Variants in HECTD2 observed in about 807,000 individuals in gnomAD.
HECTD2 encodes the protein probable E3 ubiquitin-protein ligase HECTD2.
Under a neutral mutation model 103.2 loss-of-function variants are expected in HECTD2, and 35 were observed. The observed-to-expected ratio is 0.34, with a 90% confidence interval of 0.26 to 0.45. The LOEUF (loss-of-function observed/expected upper bound fraction) is 0.45, where lower values mean the gene tolerates loss of function less well. HECTD2 is among the 20% of genes least tolerant of loss of function. HECTD2 has a pLI of 1.00. For missense variants in HECTD2, 596 were observed against 937.4 expected (o/e 0.64, Z 4.76); for synonymous variants, 281 against 329.9 (o/e 0.85, Z 1.61).
chr10:91,424,400 T>G (rs2133028603), intron 1 of HECTD2, among the ~76,000 whole-genome samples: 1 of 152,192 alleles, frequency 6.6e-6, no homozygotes, highest in Admixed American at 6.6e-5. Flanking sequence ...AAAGAAACTC[T>G]TCCTCTACTG....
intron 2 of HECTD2, among the ~76,000 whole-genome samples, chr10:91,430,063 A>G (rs1003656040): frequency 3.8e-4 from 58 of 152,222 alleles, no homozygotes; most frequent in African/African-American, 1.3e-3. Flanking sequence ...TGTCCCAGAG[A>G]TTCTGGTATG....
chr10:91,499,590 T>G (rs1846813737), intron 18 of HECTD2, among the ~76,000 whole-genome samples: 1 of 152,198 alleles, frequency 6.6e-6, no homozygotes, highest in South Asian at 2.1e-4. Context: ...CCTTAGCAAG[T>G]AGTTTATCTC....
intron 2 of HECTD2, among the ~76,000 whole-genome samples, chr10:91,440,544 T>C (rs1028302330): frequency 2.7e-5 from 4 of 149,674 alleles, no homozygotes; most frequent in Non-Finnish European, 5.9e-5. Flanking sequence ...TTTTCTTTTT[T>C]TGTTGTGTCT....
At position 91,460,415 on chromosome 10, in the gene HECTD2, T is replaced by C; in HGVS notation, c.269-12T>C. On this transcript the variant is annotated splice_polypyrimidine_tract_variant and intron_variant, in intron 2 of 20. Coordinates refer to ENST00000298068, the MANE Select transcript of HECTD2 (RefSeq NM_182765.6). ...TGATTCATTATTTTGAATGTGTTTT[T>C]ATACTTCACAGTGAGAGAACCACCA... The C allele has an allele frequency of 6.3e-7, 1 of 1,580,460 alleles. No individual in the cohort carries two copies. Among genetic ancestry groups the C allele is most frequent in the Non-Finnish European group, 8.6e-7 (1 of 1,166,098 alleles).
At chr10:91,439,637 A>C (rs1487931951) in intron 2 of HECTD2, among the ~76,000 whole-genome samples, 1 of 152,144 alleles carries the variant, frequency 6.6e-6, no homozygotes, top group Non-Finnish European at 1.5e-5. Context: ...TGGTAGCTTG[A>C]TGGGGATAGC....
chr10:91,476,242 A>G (rs7908457), intron 5 of HECTD2, among the ~76,000 whole-genome samples: 30,502 of 152,068 alleles, frequency 0.2, 7,262 homozygotes, highest in African/African-American at 0.58. Flanking sequence ...GAAGGGATTG[A>G]CCTTGGTCAA....
At chr10:91,414,919 G>T (rs1843059397) in intron 1 of HECTD2, among the ~76,000 whole-genome samples, 1 of 152,096 alleles carries the variant, frequency 6.6e-6, no homozygotes, top group Non-Finnish European at 1.5e-5. Flanking sequence ...GGAAGCTATT[G>T]CAATTTCTGA....
intron 10 of HECTD2, chr10:91,486,668 C>G (rs1846277794): frequency 6.6e-6 from 1 of 152,250 alleles, no homozygotes; most frequent in South Asian, 2.1e-4. Flanking sequence ...AGGTTGAGAA[C>G]CCCTGTCCTA....
Position 91,513,904 on chromosome 10 carries a change from A to G in HECTD2, c.*1520A>G, listed in dbSNP as rs1029404223. 1.3e-5 allele frequency: 2 copies of G among 152,558 alleles called. No homozygotes were observed. Among genetic ancestry groups the G allele is most frequent in the Non-Finnish European group, 2.9e-5 (2 of 68,010 alleles). 9.5% of individuals were successfully genotyped at this position (152,558 alleles called of 1,614,324 possible). On this transcript the variant is annotated 3_prime_UTR_variant, in exon 21 of 21. Transcript: ENST00000298068. ...TTGAGGAAAAGGGGTCACTTTGTTT[A>G]CTATTCTCTTGGAGATGGAAGTGAT... is the stretch of plus-strand genomic sequence containing the variant.
At chr10:91,474,650 G>T (rs963445727) in intron 5 of HECTD2, among the ~76,000 whole-genome samples, 1 of 152,174 alleles carries the variant, frequency 6.6e-6, no homozygotes, top group Non-Finnish European at 1.5e-5. Context: ...CTTGGTGTTG[G>T]AGATACAGTG....
upstream of HECTD2, among the ~76,000 whole-genome samples, chr10:91,409,941 T>C (rs921754755): frequency 6.6e-6 from 1 of 152,170 alleles, no homozygotes; most frequent in South Asian, 2.1e-4. Context: ...CCTGCCCTAC[T>C]GGTACCACTC....
At chr10:91,427,040 C>G (rs1290131955) in intron 2 of HECTD2, among the ~76,000 whole-genome samples, 1 of 131,876 alleles carries the variant, frequency 7.6e-6, no homozygotes, top group Non-Finnish European at 1.6e-5. Context: ...GTGATGTTCC[C>G]CTTCCTGTGT....
At chr10:91,480,093 C>G (rs1846040002) in intron 6 of HECTD2, among the ~76,000 whole-genome samples, 1 of 151,846 alleles carries the variant, frequency 6.6e-6, no homozygotes, top group Non-Finnish European at 1.5e-5. Flanking sequence ...AGATGAAACC[C>G]CTGTTACATC....
intron 18 of HECTD2, among the ~76,000 whole-genome samples, chr10:91,500,281 C>T (rs971677967): frequency 1.3e-5 from 2 of 152,086 alleles, no homozygotes; most frequent in Non-Finnish European, 2.9e-5. Flanking sequence ...GTTTTTCTGG[C>T]AAACGGCTAA....
chr10:91,483,116 C>A, intron 8 of HECTD2, 40 bp downstream of exon 8: 1 of 870,874 alleles, frequency 1.1e-6, no homozygotes, highest in Admixed American at 2.1e-5. Flanking sequence ...TATAGTCTCA[C>A]AGTTTTAAGT....
At chr10:91,460,594 A>G in intron 3 of HECTD2, 29 bp downstream of exon 3, 2 of 1,584,152 alleles carry the variant, frequency 1.3e-6, no homozygotes, top group Non-Finnish European at 1.7e-6. Flanking sequence ...ATGTAAATGT[A>G]TAGTCATCTG....
intron 20 of HECTD2, among the ~76,000 whole-genome samples, chr10:91,509,229 C>G (rs188337655): frequency 6.6e-6 from 1 of 151,530 alleles, no homozygotes; most frequent in Admixed American, 6.6e-5. Context: ...ACGTATGTAA[C>G]TAACCTGCAC....
Position 91,450,461 on chromosome 10 carries a change from G to A in HECTD2, c.269-9966G>A, listed in dbSNP as rs368300708. Among the ~76,000 whole-genome samples the A allele has an allele frequency of 3.9e-5, 6 of 152,162 alleles. No homozygotes were observed. In the East Asian group the frequency reaches 9.6e-4, roughly 24 times the overall value. The stretch of plus-strand genomic sequence containing the variant: ...AGGCAGTACCATTCAGGACATAGGC[G>A]TGGGCAAAGACTTCACGGCTAAAAC... On this transcript the variant is annotated intron_variant, in intron 2 of 20. Coordinates refer to ENST00000298068, the MANE Select transcript of HECTD2 (RefSeq NM_182765.6).
chr10:91,486,266 G>C (rs2133296458), intron 10 of HECTD2: 1 of 152,196 alleles, frequency 6.6e-6, no homozygotes, highest in African/African-American at 2.4e-5. Context: ...ATAAGAATAA[G>C]AATTTAAGTT....
Sources: allele counts gnomAD v4.1 joint callset (sites outside exome capture counted in the v4.1 genomes callset), GRCh38; gene constraint gnomAD v4.1.1; transcripts MANE v1.5; gene names NCBI Gene and HGNC (gene_info 2026-07-23, HGNC 2026-07-21).